The following ALDH3A2 variants were observed in gnomAD, a reference collection of about 807,000 sequenced individuals.
ALDH3A2 encodes aldehyde dehydrogenase family 3 member A2.
A neutral mutation model predicts 51.3 loss-of-function variants in ALDH3A2; 36 were observed. The observed-to-expected ratio is 0.70, with a 90% CI of 0.54 to 0.93. The LOEUF (loss-of-function observed/expected upper bound fraction) is 0.93. ALDH3A2 is among the 40% of genes least tolerant of loss of function. The pLI is 0.00. For missense variants in ALDH3A2, 552 were observed against 603.1 expected (o/e 0.92, Z 0.89); for synonymous variants, 199 against 219.8 (o/e 0.91, Z 0.84).
At position 19,654,701 on chromosome 17, in the gene ALDH3A2, C is replaced by T. The variant is rs546949448; in HGVS notation, c.472-1665C>T. On this transcript the variant is annotated intron_variant, in intron 3 of 9. Coordinates refer to ENST00000176643, the MANE Select transcript of ALDH3A2 (RefSeq NM_000382.3). The surrounding 1 kb of genome is among the most constrained non-coding windows in gnomAD (Gnocchi z 4.5). Reference sequence around the variant, plus strand: ...CCGGTTCCTGCCTGCGCCTCTCCCTCCACACCTTCCCACAAGCAGAAGGAG... The same window carrying T: ...CCGGTTCCTGCCTGCGCCTCTCCCTTCACACCTTCCCACAAGCAGAAGGAG... Among the ~76,000 whole-genome samples, 45 of 152,090 alleles carry T rather than the reference C, an allele frequency of 3.0e-4. No homozygotes were observed. Among genetic ancestry groups the T allele is most frequent in the African/African-American group, 1.1e-3 (45 of 41,526 alleles).
At chr17:19,648,610 C>T (rs923579715), upstream of ALDH3A2, 17 of 309,736 alleles carry the variant, frequency 5.5e-5, no homozygotes, top group Non-Finnish European at 9.8e-5. Context: ...CGCTCGGCTC[C>T]CGCACTGCTC....
chr17:19,649,346 G>A (rs2084782898), intron 1 of ALDH3A2: 2 of 563,640 alleles, frequency 3.5e-6, no homozygotes, highest in Non-Finnish European at 6.1e-6. Context: ...TTCCTTTTCT[G>A]CCTTTTCTAT....
intron 5 of ALDH3A2, among the ~76,000 whole-genome samples, chr17:19,658,200 G>T (rs149818739): frequency 5.9e-5 from 9 of 152,280 alleles, no homozygotes; most frequent in African/African-American, 1.9e-4. Context: ...AGACTCTTTG[G>T]CATATTGGCC....
intron 1 of ALDH3A2, among the ~76,000 whole-genome samples, chr17:19,650,439 CTTGTTT>C (rs765487705): frequency 9.2e-5 from 14 of 151,798 alleles, no homozygotes; most frequent in Non-Finnish European, 1.3e-4. Flanking sequence ...AGGCTATCAT[CTTGTTT>C]TTGTTTTTGT....
intron 7 of ALDH3A2, 22 bp from the exon 8 acceptor site, chr17:19,664,926 G>T (rs769191653): frequency 6.3e-7 from 1 of 1,596,864 alleles, no homozygotes; most frequent in South Asian, 1.1e-5. Flanking sequence ...CACTGACCTG[G>T]ACACCTTTGG....
At chr17:19,659,019 G>A (rs1374228187) in intron 5 of ALDH3A2, among the ~76,000 whole-genome samples, 1 of 151,902 alleles carries the variant, frequency 6.6e-6, no homozygotes, top group East Asian at 1.9e-4. Flanking sequence ...ATCACTTGAG[G>A]TGAGGAGTTA....
chr17:19,671,052 C>T (rs1446173950), intron 8 of ALDH3A2, among the ~76,000 whole-genome samples: 1 of 152,242 alleles, frequency 6.6e-6, no homozygotes, highest in Non-Finnish European at 1.5e-5. Flanking sequence ...TCACACTGCT[C>T]CGCTTTGTGC....
rs2084902347 is a variant in ALDH3A2 at position 19,656,659 on chromosome 17, C to T, written c.680+85C>T. 5 of 1,295,984 alleles carry T rather than the reference C, an allele frequency of 3.9e-6. No homozygotes were observed. In the Admixed American group the frequency reaches 9.9e-5, roughly 26 times the overall value. The allele number at this position is 1,295,984 out of a possible 1,614,324, so 80.3% of individuals were successfully genotyped here. A position where few individuals can be genotyped will look rare whatever the true frequency, so the allele number is the denominator to read the frequency against. ...AATGTTACTCTTTGTACTTGAACCC[C>T]ATACCTTATGGCTCCAAGATACATT... On this transcript the variant is annotated intron_variant, in intron 4 of 9. Transcript: ENST00000176643.
intron 4 of ALDH3A2, 26 bp from the exon 5 acceptor site, chr17:19,657,719 A>G (rs772979684): frequency 4.9e-6 from 7 of 1,426,862 alleles, no homozygotes; most frequent in Middle Eastern, 3.5e-4. Context: ...TGAATTATAT[A>G]GCTGTTCTGG....
At chr17:19,651,352 A>T (rs1293192931) in intron 1 of ALDH3A2, among the ~76,000 whole-genome samples, 195 bp from the exon 2 acceptor site, 3 of 152,214 alleles carry the variant, frequency 2.0e-5, no homozygotes, top group Non-Finnish European at 4.4e-5. Context: ...TGATTTTTTT[A>T]AAAGAAATAT....
At chr17:19,667,614 A>C (rs576765631) in intron 8 of ALDH3A2, among the ~76,000 whole-genome samples, 1 of 151,908 alleles carries the variant, frequency 6.6e-6, no homozygotes, top group Non-Finnish European at 1.5e-5. Context: ...GCTGGAGTGC[A>C]GTGGTGTGAT....
At chr17:19,656,286 G>A in intron 3 of ALDH3A2, 80 bp from the exon 4 acceptor site, 3 of 1,259,204 alleles carry the variant, frequency 2.4e-6, no homozygotes, top group Non-Finnish European at 3.5e-6. Context: ...AATGTTACAT[G>A]TTTATGTTGA....
At position 19,656,586 on chromosome 17, in the gene ALDH3A2, T is replaced by C. The variant is rs1417900680; in HGVS notation, c.680+12T>C. The C allele has an allele frequency of 6.3e-7, 1 of 1,599,242 alleles. No homozygotes were observed. Among genetic ancestry groups the C allele is most frequent in the Non-Finnish European group, 8.5e-7 (1 of 1,171,514 alleles). ...GACATTGTTTGCAGGTGAGTCTGGC[T>C]CTCTGATTTTCTGAGGTTTTCCCAG... On this transcript the variant is annotated intron_variant, in intron 4 of 9. Coordinates refer to ENST00000176643, the MANE Select transcript of ALDH3A2 (RefSeq NM_000382.3).
Position 19,671,906 on chromosome 17 carries a change from G to A in ALDH3A2, c.1393G>A (p.Gly465Ser), listed in dbSNP as rs371197295. The A allele has an allele frequency of 1.3e-4, 212 of 1,614,018 alleles. No homozygotes were observed. The highest frequency in any genetic ancestry group is 1.7e-4 in the Non-Finnish European group (195 of 1,180,020). Residue 465 changes from glycine (G) to serine (S), a missense_variant, in exon 9 of 10, where the codon GGT (glycine) becomes AGT (serine). Gly to Ser is a moderately conservative substitution (Grantham distance 56, BLOSUM62 0). Coordinates refer to ENST00000176643, the MANE Select transcript of ALDH3A2 (RefSeq NM_000382.3). ...LLKRFNKEKL[G>S]LLLLTFLGIV... ...GAAACGGTTCAACAAAGAAAAACTC[G>A]GTCTCCTGTTGCTCACTTTCCTGGG...
intron 1 of ALDH3A2, 109 bp downstream of exon 1, chr17:19,649,233 C>T (rs2152325682): frequency 7.2e-7 from 1 of 1,391,558 alleles, no homozygotes; most frequent in Non-Finnish European, 9.7e-7. Flanking sequence ...ATTACTCCAG[C>T]ACTGGGAGTA....
Position 19,671,798 on chromosome 17 carries a change from A to C in ALDH3A2, c.1285A>C (p.Ser429Arg), listed in dbSNP as rs2085117404. The stretch of plus-strand genomic sequence containing the variant: ...TCATCAGCGTCCCTGTTTATTAAAA[A>C]GTTTAAAGAGAGAAGGTGCTAACAA... ...FSHQRPCLLKSLKREGANKLR... is the reference protein window; with the variant it reads ...FSHQRPCLLKRLKREGANKLR... The change falls in exon 9 of 10, where the codon AGT becomes CGT. Residue 429 changes from serine (S) to arginine (R), a missense_variant. Physicochemically the swap from Ser to Arg is moderately radical, Grantham distance 110 (BLOSUM62 -1). Coordinates refer to ENST00000176643, the MANE Select transcript of ALDH3A2 (RefSeq NM_000382.3). 2 of 1,614,244 alleles carry C rather than the reference A, an allele frequency of 1.2e-6. No individual in the cohort carries two copies. Among genetic ancestry groups the C allele is most frequent in the Non-Finnish European group, 1.7e-6 (2 of 1,180,050 alleles).
chr17:19,669,594 A>T (rs1189251729), intron 8 of ALDH3A2, among the ~76,000 whole-genome samples: 1 of 152,058 alleles, frequency 6.6e-6, no homozygotes, highest in Admixed American at 6.6e-5. Flanking sequence ...GTAAGTGCTT[A>T]TTGTATGCCA....
chr17:19,654,632 G>A lies in ALDH3A2; in HGVS notation c.472-1734G>A, dbSNP rs960666283. 2.0e-5 allele frequency among the ~76,000 whole-genome samples: 3 copies of A among 152,174 alleles called. No individual in the cohort carries two copies. The highest frequency in any genetic ancestry group is 6.5e-5 in the Admixed American group (1 of 15,300). Reference sequence around the variant, plus strand: ...CGAGTGTGGGGCCCATTGAGCCTGCGCCCACCCAGAACTCGCTCTGGCTTG... The same window carrying A: ...CGAGTGTGGGGCCCATTGAGCCTGCACCCACCCAGAACTCGCTCTGGCTTG... On this transcript the variant is annotated intron_variant, in intron 3 of 9. Coordinates refer to ENST00000176643, the MANE Select transcript of ALDH3A2 (RefSeq NM_000382.3). The surrounding 1 kb of genome is among the most constrained non-coding windows in gnomAD (Gnocchi z 4.5).
At chr17:19,674,003 A>G (rs907831921) in intron 9 of ALDH3A2, 4 of 152,306 alleles carry the variant, frequency 2.6e-5, no homozygotes, top group Non-Finnish European at 5.9e-5. Context: ...CAGACTTGTC[A>G]CCATCTAGGC....
Sources: gnomAD v4.1 joint callset for allele counts (sites outside exome capture counted in the v4.1 genomes callset) on GRCh38, gnomAD v4.1.1 for gene constraint, Gnocchi (gnomAD v3.1) non-coding constraint, MANE v1.5 for transcripts, NCBI Gene and HGNC (gene_info 2026-07-23, HGNC 2026-07-21) for gene names.